The following NCR1 variants were observed in gnomAD, a reference collection of about 807,000 sequenced individuals.
The protein encoded by NCR1 is natural cytotoxicity triggering receptor 1.
NCR1 carries 30 observed loss-of-function variants against 32.5 expected under a neutral mutation model. The observed-to-expected ratio is 0.92, with a 90% CI of 0.69 to 1.25. The LOEUF (loss-of-function observed/expected upper bound fraction) is 1.25. Among genes scored for constraint, NCR1 ranks in the 50% most tolerant of loss-of-function variants. The pLI, the probability that NCR1 is intolerant of heterozygous loss-of-function variation, is 0.00. For missense variants in NCR1, 369 were observed against 380.7 expected, an observed-to-expected ratio of 0.97 and a Z score of 0.26; for synonymous variants, 169 against 143.4, an observed-to-expected ratio of 1.18 and a Z score of -1.28.
At chr19:54,902,363 G>A (rs776593586), upstream of NCR1, among the ~76,000 whole-genome samples, 10 of 151,710 alleles carry the variant, frequency 6.6e-5, no homozygotes, top group Middle Eastern at 3.4e-3. Flanking sequence ...GCAGTGGCAC[G>A]ATCATGGCTC....
At chr19:54,900,996 A>G in the NCR1 span, among the ~76,000 whole-genome samples, 1 of 151,914 alleles carries the variant, frequency 6.6e-6, no homozygotes, top group Non-Finnish European at 1.5e-5. Flanking sequence ...TTTAAATACC[A>G]AAAAAAGGCC....
At chr19:54,912,599 C>CAAAAAA (rs60025694) in intron 6 of NCR1, 91 bp from the exon 7 acceptor site, 19 of 375,320 alleles carry the variant, frequency 5.1e-5, no homozygotes, top group African/African-American at 8.2e-5. Flanking sequence ...GGCTCTGTCT[C>CAAAAAA]AAAAAAAAAA....
chr19:54,906,902 C>A, intron 3 of NCR1, 95 bp downstream of exon 3: 1 of 1,430,378 alleles, frequency 7.0e-7, no homozygotes, highest in Non-Finnish European at 9.6e-7. Context: ...TCAGACACTG[C>A]TTGTCTCGGT....
At chr19:54,930,129 A>G in the NCR1 span, among the ~76,000 whole-genome samples, 2 of 149,912 alleles carry the variant, frequency 1.3e-5, no homozygotes, top group Non-Finnish European at 2.9e-5. Flanking sequence ...AAAAAAAAAA[A>G]AAAAAGAAAA....
downstream of NCR1, among the ~76,000 whole-genome samples, chr19:54,914,464 G>C (rs1296207066): frequency 6.6e-6 from 1 of 151,758 alleles, no homozygotes; most frequent in Non-Finnish European, 1.5e-5. Flanking sequence ...TCAGCCTCCT[G>C]AATAGCTGGG....
the NCR1 span, chr19:54,938,204 C>T: frequency 3.1e-6 from 5 of 1,614,064 alleles, no homozygotes; most frequent in African/African-American, 1.3e-5. Flanking sequence ...GAGCGAAGAT[C>T]CTGCCGAGCC....
chr19:54,904,762 C>G (rs929632851), upstream of NCR1, among the ~76,000 whole-genome samples: 2 of 152,010 alleles, frequency 1.3e-5, no homozygotes, highest in African/African-American at 2.4e-5. Flanking sequence ...GAACTCCCGA[C>G]CTAAGGTGAT....
At chr19:54,931,899 T>C in the NCR1 span, among the ~76,000 whole-genome samples, 1 of 151,742 alleles carries the variant, frequency 6.6e-6, no homozygotes, top group Admixed American at 6.6e-5. Flanking sequence ...TTTCCAGCTC[T>C]GCCTGGGACA....
intron 3 of NCR1, among the ~76,000 whole-genome samples, chr19:54,907,465 TAA>T (rs58941827): frequency 7.7e-6 from 1 of 130,354 alleles, no homozygotes; most frequent in Non-Finnish European, 1.6e-5. Flanking sequence ...GGTGGTTTTC[TAA>T]AAAAAAAAAA....
chr19:54,898,398 G>A, the NCR1 span, among the ~76,000 whole-genome samples: 2 of 152,170 alleles, frequency 1.3e-5, no homozygotes, highest in African/African-American at 2.4e-5. Context: ...TGCGGTTCAG[G>A]CGTTTGGAGT....
At chr19:54,933,646 C>T in the NCR1 span, 1 of 1,614,058 alleles carries the variant, frequency 6.2e-7, no homozygotes, top group African/African-American at 1.3e-5. Flanking sequence ...CAATGGGGTT[C>T]TTGGCCAAGC....
the NCR1 span, chr19:54,930,818 C>T: frequency 1.6e-4 from 109 of 699,338 alleles, no homozygotes; most frequent in Non-Finnish European, 2.3e-4. Context: ...CAGGTTCAAG[C>T]GATTCTTCTG....
At chr19:54,919,714 A>ACC (rs58529355), downstream of NCR1, among the ~76,000 whole-genome samples, 5,381 of 99,234 alleles carry the variant, frequency 0.054, 214 homozygotes, top group African/African-American at 0.067. Flanking sequence ...GGAAAGGGAG[A>ACC]CCCCCCCCCC....
the NCR1 span, among the ~76,000 whole-genome samples, chr19:54,899,085 C>A: frequency 1.3e-5 from 2 of 152,050 alleles, no homozygotes; most frequent in Admixed American, 6.6e-5. Context: ...AGATTTGGGA[C>A]GAGTTGCACT....
chr19:54,904,125 C>CA (rs374694825), upstream of NCR1, among the ~76,000 whole-genome samples: 12 of 102,848 alleles, frequency 1.2e-4, no homozygotes, highest in East Asian at 8.4e-4. Context: ...GACTCTGTCT[C>CA]AAAAAAAAAA....
rs2067631916 is a variant in NCR1 at position 54,906,622 on chromosome 19, A to C, written c.170A>C (p.Glu57Ala). ...ICCQGNYGAV[E>A]YQLHFEGSLF... is the part of the protein sequence containing the mutation. ...TGCCAGGGAAATTATGGGGCTGTTG[A>C]ATACCAGCTGCACTTTGAAGGAAGC... The change falls in exon 3 of 7, where the codon GAA becomes GCA. Residue 57 changes from glutamate (E) to alanine (A), a missense_variant. Transcript: ENST00000291890. 1 of 1,614,218 alleles carries C rather than the reference A, an allele frequency of 6.2e-7. No homozygotes were observed. Among genetic ancestry groups the C allele is most frequent in the South Asian group, 1.1e-5 (1 of 91,090 alleles).
the NCR1 span, among the ~76,000 whole-genome samples, chr19:54,929,030 C>T: frequency 5.9e-5 from 9 of 152,106 alleles, no homozygotes; most frequent in Non-Finnish European, 1.0e-4. Flanking sequence ...AAAGGTATCA[C>T]GGTCTGGCTT....
At chr19:54,910,186 C>CAA in intron 5 of NCR1, 121 bp downstream of exon 5, 1 of 979,348 alleles carries the variant, frequency 1.0e-6, no homozygotes, top group Non-Finnish European at 1.6e-6. Flanking sequence ...CCTGTAATCC[C>CAA]AGCACTTTGG....
the NCR1 span, among the ~76,000 whole-genome samples, chr19:54,900,092 C>T: frequency 6.6e-6 from 1 of 152,070 alleles, no homozygotes; most frequent in Non-Finnish European, 1.5e-5. Context: ...GACGAGAGGT[C>T]GTAGGTGGAT....
Sources: allele counts gnomAD v4.1 joint callset (sites outside exome capture counted in the v4.1 genomes callset), GRCh38; gene constraint gnomAD v4.1.1; transcripts MANE v1.5; gene names NCBI Gene and HGNC (gene_info 2026-07-23, HGNC 2026-07-21).